Variants in ENGASE observed in about 807,000 individuals in gnomAD.
ENGASE encodes endo-beta-N-acetylglucosaminidase.
In ENGASE, 69 loss-of-function variants were observed where a neutral mutation model predicts 78.5. The ratio of observed to expected loss-of-function variants is 0.88; its 90% confidence interval spans 0.72 to 1.07. The LOEUF (loss-of-function observed/expected upper bound fraction) is 1.07, where lower values mean the gene tolerates loss of function less well. ENGASE is among the 50% of genes least tolerant of loss of function. The probability of loss-of-function intolerance (pLI) is 0.00; values close to 1 mark genes in which losing one functional copy is unlikely to be tolerated. For missense variants in ENGASE, 943 were observed against 988.4 expected (o/e 0.95, Z 0.62); for synonymous variants, 408 against 408.9 (o/e 1.00, Z 0.03).
In ENGASE at chr17:79,086,363, C is replaced by T; in HGVS notation, c.*14C>T. ...GCCCCTGCATGAGCGGATGCTAAGG[C>T]CGGGTGGTCTCCTGGCCTCGGGCTG... On this transcript the variant is annotated 3_prime_UTR_variant, in exon 14 of 14. Coordinates refer to ENST00000579016, the MANE Select transcript of ENGASE (RefSeq NM_001042573.3). The T allele has an allele frequency of 1.2e-6, 2 of 1,600,370 alleles. No individual in the cohort carries two copies. The highest frequency in any genetic ancestry group is 8.5e-7 in the Non-Finnish European group (1 of 1,171,832).
In ENGASE at chr17:79,082,112, G is replaced by A. The variant is rs764527447; in HGVS notation, c.1038+49G>A. The A allele has an allele frequency of 3.1e-6, 5 of 1,613,972 alleles. No individual in the cohort carries two copies. In the East Asian group the frequency reaches 1.1e-4, roughly 36 times the overall value. On this transcript the variant is annotated intron_variant, in intron 7 of 13. Transcript: ENST00000579016. Reference sequence around the variant, plus strand: ...GGCCAGCGGCCCAGTGCCTCCCCTGGGACCTCATTTCCTCATGGACCTTCC... The same window carrying A: ...GGCCAGCGGCCCAGTGCCTCCCCTGAGACCTCATTTCCTCATGGACCTTCC...
chr17:79,079,606 C>T lies in ENGASE; in HGVS notation c.534C>T (p.Asn178=). 6.2e-7 allele frequency: 1 copy of T among 1,613,948 alleles called. No individual in the cohort carries two copies. Among genetic ancestry groups the T allele is most frequent in the South Asian group, 1.1e-5 (1 of 91,062 alleles). ...TVTIPPVGWT[N]TAHRHGVCVL... ...CCATTCCCCCAGTGGGCTGGACCAA[C>T]ACTGCCCACAGGCATGGGGTCTGCG... The change falls in exon 4 of 14, where the codon AAC becomes AAT. Residue 178 remains asparagine, a synonymous_variant. Transcript: ENST00000579016.
At chr17:79,085,422 G>A in intron 12 of ENGASE, 80 bp downstream of exon 12, 2 of 1,367,496 alleles carry the variant, frequency 1.5e-6, no homozygotes, top group South Asian at 1.4e-5. Flanking sequence ...GGGATGGAGG[G>A]GCCCTGGGCT....
At chr17:79,076,567 TAATC>T (rs1017036076) in intron 1 of ENGASE, among the ~76,000 whole-genome samples, 3 of 152,176 alleles carry the variant, frequency 2.0e-5, no homozygotes, top group African/African-American at 7.2e-5. Flanking sequence ...CTGTCTCAAT[TAATC>T]AATCAATTTT....
chr17:79,082,386 CGT>C, intron 7 of ENGASE: 1 of 1,263,818 alleles, frequency 7.9e-7, no homozygotes, highest in South Asian at 1.5e-5. Context: ...TGATCTTCCC[CGT>C]GAGGGAAGCC....
At chr17:79,078,495 G>C (rs1234318237) in intron 3 of ENGASE, among the ~76,000 whole-genome samples, 1 of 152,292 alleles carries the variant, frequency 6.6e-6, no homozygotes, top group East Asian at 1.9e-4. Context: ...TCGGCTGCCT[G>C]TCCGCAGCCT....
At chr17:79,078,802 G>A (rs776044006) in intron 3 of ENGASE, among the ~76,000 whole-genome samples, 5 of 151,612 alleles carry the variant, frequency 3.3e-5, no homozygotes, top group African/African-American at 4.8e-5. Flanking sequence ...CCCGACCTTC[G>A]AGTTCCGGGA....
Position 79,086,790 on chromosome 17 carries a change from C to T in ENGASE, c.*441C>T, listed in dbSNP as rs986967389. 6.2e-5 allele frequency: 23 copies of T among 371,394 alleles called. No homozygotes were observed. The highest frequency in any genetic ancestry group is 1.0e-4 in the Non-Finnish European group (19 of 186,464). 23.0% of individuals were successfully genotyped at this position (371,394 alleles called of 1,614,324 possible). A position where few individuals can be genotyped will look rare whatever the true frequency, so the allele number is the denominator to read the frequency against. On this transcript the variant is annotated 3_prime_UTR_variant, in exon 14 of 14. Transcript: ENST00000579016. ...GGCAGGTAGGCTTTGGAGCAGGCGC[C>T]GAGACATTTCTGAGCATGAGGACGA...
chr17:79,084,249 A>AC, intron 10 of ENGASE: 1 of 89,974 alleles, frequency 1.1e-5, no homozygotes, highest in Non-Finnish European at 1.8e-5. Flanking sequence ...ATCCTCCCCC[A>AC]GCCCCCCAAA....
Position 79,086,200 on chromosome 17 carries a change from T to C in ENGASE, c.2083T>C (p.Tyr695His). ...CCTGGGGTTGGCTTTTGCCACCCAG[T>C]ACCGGATAGTGGACCTGCTGGTGGA... ...MFLGLAFATQ[Y>H]RIVDLLVEAA... Residue 695 changes from tyrosine to histidine, a missense_variant, in exon 14 of 14, where the codon TAC becomes CAC. Physicochemically the swap from Tyr to His is moderately conservative, Grantham distance 83. Coordinates refer to ENST00000579016, the MANE Select transcript of ENGASE (RefSeq NM_001042573.3). 6.2e-7 allele frequency: 1 copy of C among 1,613,568 alleles called. No individual in the cohort carries two copies. Among genetic ancestry groups the C allele is most frequent in the Non-Finnish European group, 8.5e-7 (1 of 1,180,026 alleles).
At chr17:79,077,099 G>A (rs1311426701) in intron 1 of ENGASE, among the ~76,000 whole-genome samples, 1 of 152,202 alleles carries the variant, frequency 6.6e-6, no homozygotes, top group Admixed American at 6.5e-5. Context: ...TTTAACTCCT[G>A]ACCTCAGGTG....
At position 79,084,648 on chromosome 17, in the gene ENGASE, C is replaced by T; in HGVS notation, c.1553C>T (p.Ala518Val). 6.2e-7 allele frequency: 1 copy of T among 1,612,392 alleles called. No individual in the cohort carries two copies. Among genetic ancestry groups the T allele is most frequent in the Non-Finnish European group, 8.5e-7 (1 of 1,179,636 alleles). Residue 518 changes from alanine (A) to valine (V), a missense_variant, in exon 11 of 14, where the codon GCC (alanine) becomes GTC (valine). Coordinates refer to ENST00000579016, the MANE Select transcript of ENGASE (RefSeq NM_001042573.3). ...TVALELTTGD[A>V]GSCHIGGISV... ...GCTTTGGAGCTGACCACAGGGGATGCCGGCAGCTGCCACATCGGTGGCATC... is the reference window on the plus strand; with the variant it reads ...GCTTTGGAGCTGACCACAGGGGATGTCGGCAGCTGCCACATCGGTGGCATC...
At position 79,084,669 on chromosome 17, in the gene ENGASE, G is replaced by A. The variant is rs200886209; in HGVS notation, c.1574G>A (p.Gly525Asp). Residue 525 changes from glycine (G) to aspartate (D), a missense_variant, in exon 11 of 14, where the codon GGC (glycine) becomes GAC (aspartate). Transcript: ENST00000579016. ...TGDAGSCHIG[G>D]ISVLNAETSS... is the part of the protein sequence containing the mutation. ...GATGCCGGCAGCTGCCACATCGGTG[G>A]CATCTCAGTGTTGAACGGTGAGGTA... 837 of 1,613,120 alleles carry A rather than the reference G, an allele frequency of 5.2e-4. No individual in the cohort carries two copies. Among genetic ancestry groups the A allele is most frequent in the Non-Finnish European group, 6.6e-4 (776 of 1,179,784 alleles).
chr17:79,076,278 T>A (rs935957851), intron 1 of ENGASE, among the ~76,000 whole-genome samples: 1 of 152,190 alleles, frequency 6.6e-6, no homozygotes, highest in Non-Finnish European at 1.5e-5. Context: ...ATAATAATGA[T>A]TTTTTAGGCC....
At chr17:79,082,862 G>A (rs1415431665) in intron 7 of ENGASE, 158 bp from the exon 8 acceptor site, 2 of 1,563,900 alleles carry the variant, frequency 1.3e-6, no homozygotes, top group East Asian at 2.4e-5. Context: ...CGGGGGTGAT[G>A]CCCAGCAGCC....
Position 79,084,138 on chromosome 17 carries a change from C to T in ENGASE, c.1442+187C>T, listed in dbSNP as rs116672557. ...ACCATCTTGACCCTGTTGAAGTGAA[C>T]GGTACAGGAGTGTTAACTCTGCGTA... On this transcript the variant is annotated intron_variant, in intron 10 of 13. Coordinates refer to ENST00000579016, the MANE Select transcript of ENGASE (RefSeq NM_001042573.3). 710 of 612,950 alleles carry T rather than the reference C, an allele frequency of 1.2e-3. 3 individuals are homozygous for T. Among genetic ancestry groups the T allele is most frequent in the African/African-American group, 0.012 (625 of 53,988 alleles). The allele number at this position is 612,950 out of a possible 1,614,324, so 38.0% of individuals were successfully genotyped here. A position where few individuals can be genotyped will look rare whatever the true frequency, so the allele number is the denominator to read the frequency against.
At chr17:79,080,016 T>C (rs1004804412) in intron 4 of ENGASE, among the ~76,000 whole-genome samples, 191 bp from the exon 5 acceptor site, 2 of 152,260 alleles carry the variant, frequency 1.3e-5, no homozygotes, top group African/African-American at 4.8e-5. Context: ...CGATCGTTGA[T>C]GGGCTTCCGT....
Position 79,086,518 on chromosome 17 carries a change from G to A in ENGASE, c.*169G>A. On this transcript the variant is annotated 3_prime_UTR_variant, in exon 14 of 14. Coordinates refer to ENST00000579016, the MANE Select transcript of ENGASE (RefSeq NM_001042573.3). ...GAGTGCTGTGGCTTTCTGGTGGGGG[G>A]CGATGGAAACAGGAAACCAAGCAGT... is the stretch of plus-strand genomic sequence containing the variant. The A allele has an allele frequency of 2.5e-6, 2 of 784,978 alleles. No individual in the cohort carries two copies. Among genetic ancestry groups the A allele is most frequent in the South Asian group, 1.9e-5 (1 of 52,344 alleles). 48.6% of individuals were successfully genotyped at this position (784,978 alleles called of 1,614,324 possible). A position where few individuals can be genotyped will look rare whatever the true frequency, so the allele number is the denominator to read the frequency against.
Position 79,086,210 on chromosome 17 carries a change from T to C in ENGASE, c.2093T>C (p.Val698Ala), listed in dbSNP as rs1167666732. 5.0e-6 allele frequency: 8 copies of C among 1,613,520 alleles called. No homozygotes were observed. Among genetic ancestry groups the C allele is most frequent in the South Asian group, 4.4e-5 (4 of 91,084 alleles). Residue 698 changes from valine (V) to alanine (A), a missense_variant, in exon 14 of 14, where the codon GTG (valine) becomes GCG (alanine). Coordinates refer to ENST00000579016, the MANE Select transcript of ENGASE (RefSeq NM_001042573.3). ...GCTTTTGCCACCCAGTACCGGATAG[T>C]GGACCTGCTGGTGGAAGCCGCCGGG... ...GLAFATQYRI[V>A]DLLVEAAGPG... is the part of the protein sequence containing the mutation.
Sources: gnomAD v4.1 joint callset for allele counts (sites outside exome capture counted in the v4.1 genomes callset) on GRCh38, gnomAD v4.1.1 for gene constraint, MANE v1.5 for transcripts, NCBI Gene and HGNC (gene_info 2026-07-23, HGNC 2026-07-21) for gene names.